The following CA10 variants were observed in gnomAD, a reference collection of about 807,000 sequenced individuals.
CA10 encodes the protein carbonic anhydrase 10 (inactive).
In CA10, 14 loss-of-function variants were observed where a neutral mutation model predicts 44.2. That is an observed-to-expected ratio of 0.32 (90% CI 0.21 to 0.50). CA10 has a LOEUF of 0.50. Among genes scored for constraint, CA10 ranks in the 20% least tolerant of loss-of-function variants. The probability of loss-of-function intolerance (pLI) is 0.99; values close to 1 mark genes in which losing one functional copy is unlikely to be tolerated. For synonymous variants in CA10, 159 were observed against 141.6 expected, an observed-to-expected ratio of 1.12 and a Z score of -0.87; for missense variants, 350 against 409.7, an observed-to-expected ratio of 0.85 and a Z score of 1.26.
At chr17:51,690,347 A>G (rs1049185098) in intron 4 of CA10, among the ~76,000 whole-genome samples, 2 of 152,238 alleles carry the variant, frequency 1.3e-5, no homozygotes, top group Admixed American at 6.5e-5. Context: ...AATTTTGTAT[A>G]TTTTGACTGA....
intron 2 of CA10, among the ~76,000 whole-genome samples, chr17:51,987,845 T>C (rs1310323024): frequency 6.7e-6 from 1 of 149,264 alleles, no homozygotes; most frequent in East Asian, 1.9e-4. Context: ...ATCAGCAGAC[T>C]TGCCATGCAA....
intron 2 of CA10, among the ~76,000 whole-genome samples, chr17:51,943,310 TA>T (rs2144020008): frequency 6.6e-6 from 1 of 152,304 alleles, no homozygotes; most frequent in Non-Finnish European, 1.5e-5. Context: ...TTCATTGTCT[TA>T]AAAATGCATT....
At chr17:51,727,318 A>G (rs1916558176) in intron 4 of CA10, among the ~76,000 whole-genome samples, 1 of 152,186 alleles carries the variant, frequency 6.6e-6, no homozygotes. Flanking sequence ...GAGTGTTTTC[A>G]GAGTAATAAT....
intron 2 of CA10, among the ~76,000 whole-genome samples, chr17:51,935,604 T>C (rs890640333): frequency 3.3e-5 from 5 of 152,206 alleles, no homozygotes; most frequent in Non-Finnish European, 5.9e-5. Context: ...CTTGCCAAAG[T>C]ATTTCCCAAT....
intron 2 of CA10, among the ~76,000 whole-genome samples, chr17:51,977,634 C>T (rs941678642): frequency 6.6e-6 from 1 of 151,936 alleles, no homozygotes; most frequent in East Asian, 1.9e-4. Flanking sequence ...TAGAAAAAGA[C>T]ACAGATGTAT....
At chr17:51,939,633 T>G (rs1983000337) in intron 2 of CA10, among the ~76,000 whole-genome samples, 1 of 152,122 alleles carries the variant, frequency 6.6e-6, no homozygotes, top group Non-Finnish European at 1.5e-5. Context: ...GGTATCTCAC[T>G]GATTGAATTT....
chr17:51,988,740 A>C (rs1984931874), intron 2 of CA10, among the ~76,000 whole-genome samples: 1 of 152,022 alleles, frequency 6.6e-6, no homozygotes, highest in Non-Finnish European at 1.5e-5. Flanking sequence ...TGTTGGTAAA[A>C]ATGTCCTAGG....
chr17:52,128,733 C>T (rs986482018), intron 1 of CA10, among the ~76,000 whole-genome samples: 12 of 152,208 alleles, frequency 7.9e-5, no homozygotes, highest in African/African-American at 2.9e-4. Context: ...TGTTTTCTAA[C>T]TTTCCCTCCC....
chr17:51,636,775 T>TGTGTGTGTGTGTG (rs1555577669), intron 6 of CA10, among the ~76,000 whole-genome samples: 10 of 146,620 alleles, frequency 6.8e-5, no homozygotes, highest in African/African-American at 2.3e-4. Context: ...ACTGATTATT[T>TGTGTGTGTGTGTG]TGTGTGTGTG....
intron 2 of CA10, among the ~76,000 whole-genome samples, chr17:51,937,332 G>A (rs1259922831): frequency 6.6e-6 from 1 of 151,960 alleles, no homozygotes; most frequent in Non-Finnish European, 1.5e-5. Flanking sequence ...TCTCCACTTT[G>A]AGCCATTATT....
At chr17:52,016,807 G>T (rs2144145688) in intron 2 of CA10, among the ~76,000 whole-genome samples, 1 of 152,258 alleles carries the variant, frequency 6.6e-6, no homozygotes, top group Non-Finnish European at 1.5e-5. Flanking sequence ...CAGCTACTCA[G>T]GAGGCTGAGG....
intron 3 of CA10, among the ~76,000 whole-genome samples, chr17:51,796,135 T>G (rs1363278596): frequency 6.6e-6 from 1 of 152,096 alleles, no homozygotes; most frequent in Non-Finnish European, 1.5e-5. Flanking sequence ...TCACCTTCTT[T>G]CCTAACGCCA....
chr17:51,692,422 TCTATTTTACCA>T (rs202199566), intron 4 of CA10, among the ~76,000 whole-genome samples: 16,689 of 122,868 alleles, frequency 0.14, 1,137 homozygotes, highest in Non-Finnish European at 0.18. Context: ...TATCTATCTA[TCTATTTTACCA>T]TTTACCATGG....
intron 2 of CA10, among the ~76,000 whole-genome samples, chr17:52,042,337 T>C (rs918328696): frequency 1.3e-5 from 2 of 152,094 alleles, no homozygotes; most frequent in East Asian, 3.9e-4. Context: ...ATTTCTCTTA[T>C]GATTAATGAT....
rs753588537 is a variant in CA10 at position 51,635,890 on chromosome 17, T to C, written c.754A>G (p.Ile252Val). ...PPCYETASWI[I>V]MNKPVYITRM... ...GTTATATAGACAGGTTTGTTCATTA[T>C]GATCCAACTTGCTGTCTCATAGCAG... The change falls in exon 7 of 9, where the codon ATA becomes GTA. Residue 252 changes from isoleucine (I) to valine (V), a missense_variant. Ile to Val is a conservative substitution (Grantham distance 29). Transcript: ENST00000451037. The C allele has an allele frequency of 1.2e-6, 2 of 1,609,058 alleles. No homozygotes were observed. The highest frequency in any genetic ancestry group is 4.5e-5 in the East Asian group (2 of 44,806).
intron 3 of CA10, among the ~76,000 whole-genome samples, chr17:51,904,873 T>G (rs1170959906): frequency 6.6e-6 from 1 of 152,144 alleles, no homozygotes; most frequent in Non-Finnish European, 1.5e-5. Flanking sequence ...TGGTTGAAGC[T>G]CCTTGCTCTG....
chr17:51,941,042 C>T (rs1983058712), intron 2 of CA10, among the ~76,000 whole-genome samples: 1 of 152,104 alleles, frequency 6.6e-6, no homozygotes, highest in South Asian at 2.1e-4. Flanking sequence ...TAATTGCAGT[C>T]CCCAAAGATG....
rs538932304 is a variant in CA10 at position 51,669,561 on chromosome 17, C to A, written c.466-15825G>T. Among the ~76,000 whole-genome samples the A allele has an allele frequency of 8.5e-5, 13 of 152,272 alleles. No individual in the cohort carries two copies. In the East Asian group the frequency reaches 2.3e-3, roughly 27 times the overall value. On this transcript the variant is annotated intron_variant, in intron 4 of 8. Coordinates refer to ENST00000451037, the MANE Select transcript of CA10 (RefSeq NM_020178.5). Reference sequence around the variant, plus strand: ...CTGCTGCTCACTCTTTGGGTCCATGCCACTTTTATGAGCTGTAACACTCAC... The same window carrying A: ...CTGCTGCTCACTCTTTGGGTCCATGACACTTTTATGAGCTGTAACACTCAC...
rs71381362 is a variant in CA10, at chr17:52,032,673, C to T, written c.136+39646G>A. On this transcript the variant is annotated intron_variant, in intron 2 of 8. Coordinates refer to ENST00000451037, the MANE Select transcript of CA10 (RefSeq NM_020178.5). ...AGAATAAAATATGACTGGAAACCTT[C>T]CTTCTGCATGACAAAGGAGTGGCTG... is the stretch of plus-strand genomic sequence containing the variant. 6.8e-3 allele frequency among the ~76,000 whole-genome samples: 1,033 copies of T among 152,252 alleles called. 4 individuals are homozygous for T. The highest frequency in any genetic ancestry group is 0.011 in the Non-Finnish European group (749 of 68,020).
Sources: allele counts gnomAD v4.1 joint callset (sites outside exome capture counted in the v4.1 genomes callset), GRCh38; gene constraint gnomAD v4.1.1; transcripts MANE v1.5; gene names NCBI Gene and HGNC (gene_info 2026-07-23, HGNC 2026-07-21).